The following ZNF804B variants were observed in gnomAD, a reference collection of about 807,000 sequenced individuals.
The protein encoded by ZNF804B is zinc finger 804B.
Under a neutral mutation model 101.4 loss-of-function variants are expected in ZNF804B, and 80 were observed. The ratio of observed to expected loss-of-function variants is 0.79; its 90% CI spans 0.66 to 0.95. The LOEUF is 0.95. Among genes scored for constraint, ZNF804B ranks in the 40% least tolerant of loss-of-function variants. The pLI, the probability that ZNF804B is intolerant of heterozygous loss-of-function variation, is 0.00. For missense variants in ZNF804B, 1,673 were observed against 1,561.9 expected, an observed-to-expected ratio of 1.07 and a Z score of -1.20; for synonymous variants, 622 against 558.8, an observed-to-expected ratio of 1.11 and a Z score of -1.59.
intron 1 of ZNF804B, among the ~76,000 whole-genome samples, chr7:89,061,588 G>T (rs1789380696): frequency 6.6e-6 from 1 of 152,094 alleles, no homozygotes; most frequent in South Asian, 2.1e-4. Context: ...TAAGAGCAGG[G>T]ATTTTGAAGT....
chr7:88,955,245 G>A (rs1005869595), intron 1 of ZNF804B, among the ~76,000 whole-genome samples: 3 of 151,548 alleles, frequency 2.0e-5, no homozygotes, highest in African/African-American at 7.3e-5. Flanking sequence ...GAAAAAATGA[G>A]TTTTTAAAGG....
intron 1 of ZNF804B, among the ~76,000 whole-genome samples, chr7:88,902,776 A>G (rs1792411468): frequency 6.6e-6 from 1 of 152,254 alleles, no homozygotes; most frequent in African/African-American, 2.4e-5. Flanking sequence ...TGCCTACATT[A>G]TTTTAAAATA....
At chr7:89,302,618 A>G (rs922210738) in intron 2 of ZNF804B, among the ~76,000 whole-genome samples, 1 of 151,952 alleles carries the variant, frequency 6.6e-6, no homozygotes, top group African/African-American at 2.4e-5. Flanking sequence ...TTCAATTCAT[A>G]GCTTCCTTGT....
intron 1 of ZNF804B, among the ~76,000 whole-genome samples, chr7:88,792,616 A>G (rs561199869): frequency 2.3e-3 from 357 of 152,188 alleles, no homozygotes; most frequent in Non-Finnish European, 3.7e-3. Flanking sequence ...TTTATCACTA[A>G]TCATTTACTA....
intron 2 of ZNF804B, among the ~76,000 whole-genome samples, chr7:89,296,191 T>C (rs1374459891): frequency 6.6e-6 from 1 of 151,970 alleles, no homozygotes; most frequent in African/African-American, 2.4e-5. Flanking sequence ...ATAAATAAAA[T>C]AGGCTCTTCT....
chr7:89,337,473 T>C lies in ZNF804B; in HGVS notation c.*441T>C, dbSNP rs1413289713. Among the ~76,000 whole-genome samples the C allele has an allele frequency of 6.6e-6, 1 of 152,154 alleles. No individual in the cohort carries two copies. Among genetic ancestry groups the C allele is most frequent in the Non-Finnish European group, 1.5e-5 (1 of 68,004 alleles). On this transcript the variant is annotated 3_prime_UTR_variant, in exon 4 of 4. Transcript: ENST00000333190. Reference sequence around the variant, plus strand: ...ATAAAAGGTCAGTGAAATGAAGCAATTATTTAAAGTAATTTATGTCGTTAA... The same window carrying C: ...ATAAAAGGTCAGTGAAATGAAGCAACTATTTAAAGTAATTTATGTCGTTAA...
intron 1 of ZNF804B, among the ~76,000 whole-genome samples, chr7:88,877,095 T>A (rs1791965932): frequency 1.7e-5 from 2 of 121,202 alleles, no homozygotes; most frequent in South Asian, 6.2e-4. Context: ...AGTCTCCCTC[T>A]GTCACCCAGG....
chr7:89,119,000 T>G (rs1019208970), intron 1 of ZNF804B, among the ~76,000 whole-genome samples: 1 of 152,184 alleles, frequency 6.6e-6, no homozygotes, highest in Non-Finnish European at 1.5e-5. Flanking sequence ...AAGTCAGATT[T>G]TTTTCATCAT....
In ZNF804B at chr7:89,285,299, G is replaced by A. The variant is rs180833326; in HGVS notation, c.250-42045G>A. 1.4e-4 allele frequency among the ~76,000 whole-genome samples: 21 copies of A among 151,684 alleles called. No individual in the cohort carries two copies. The East Asian group carries it at 2.5e-3, about 18-fold the overall frequency. On this transcript the variant is annotated intron_variant, in intron 2 of 3. Transcript: ENST00000333190. ...GCACTTTGGGAGCCCGAGGCGGGTG[G>A]ATCATGAGGTCAGGAGATCGAGACC...
intron 1 of ZNF804B, among the ~76,000 whole-genome samples, chr7:89,057,101 A>G (rs865991400): frequency 5.3e-5 from 8 of 152,238 alleles, no homozygotes; most frequent in South Asian, 4.1e-4. Flanking sequence ...AAAACATCTT[A>G]AGCGATAGAT....
chr7:89,196,559 G>A (rs1269807277), intron 1 of ZNF804B, among the ~76,000 whole-genome samples: 2 of 151,902 alleles, frequency 1.3e-5, no homozygotes, highest in Non-Finnish European at 2.9e-5. Flanking sequence ...TCTGACATAG[G>A]CAGAGGCAAA....
At chr7:88,827,755 G>A (rs1028105321) in intron 1 of ZNF804B, among the ~76,000 whole-genome samples, 3 of 151,964 alleles carry the variant, frequency 2.0e-5, no homozygotes, top group Admixed American at 6.6e-5. Context: ...ATTTCCATTA[G>A]TAGTGCTGCA....
intron 1 of ZNF804B, chr7:88,795,569 T>G (rs1790467593): frequency 6.6e-6 from 1 of 152,152 alleles, no homozygotes; most frequent in African/African-American, 2.4e-5. Flanking sequence ...AAGGGCTACA[T>G]GAAAGTATTC....
At chr7:88,779,542 T>A (rs1790193072) in intron 1 of ZNF804B, among the ~76,000 whole-genome samples, 1 of 152,178 alleles carries the variant, frequency 6.6e-6, no homozygotes, top group African/African-American at 2.4e-5. Flanking sequence ...AGACATACGG[T>A]GCTAAAGTCA....
At chr7:89,303,986 C>T (rs566217590) in intron 2 of ZNF804B, among the ~76,000 whole-genome samples, 1 of 152,048 alleles carries the variant, frequency 6.6e-6, no homozygotes, top group East Asian at 1.9e-4. Context: ...TTGCCCTCAG[C>T]TTAAGTGAAC....
intron 1 of ZNF804B, among the ~76,000 whole-genome samples, chr7:89,084,062 A>G (rs1012764589): frequency 6.6e-6 from 1 of 151,950 alleles, no homozygotes; most frequent in African/African-American, 2.4e-5. Flanking sequence ...GCAAGTCTTG[A>G]TGAGCTGTCA....
chr7:88,793,172 C>T (rs1790406121), intron 1 of ZNF804B, among the ~76,000 whole-genome samples: 1 of 151,984 alleles, frequency 6.6e-6, no homozygotes, highest in Non-Finnish European at 1.5e-5. Flanking sequence ...ATATTGATGT[C>T]AATTAATTGT....
At chr7:89,085,229 A>G (rs562939913) in intron 1 of ZNF804B, among the ~76,000 whole-genome samples, 1 of 152,068 alleles carries the variant, frequency 6.6e-6, no homozygotes, top group South Asian at 2.1e-4. Context: ...GAGATTTTCT[A>G]CTTTCTTCCC....
intron 1 of ZNF804B, chr7:88,794,305 A>T (rs1445712486): frequency 6.2e-7 from 1 of 1,613,764 alleles, no homozygotes; most frequent in East Asian, 2.2e-5. Flanking sequence ...GTACTTTATG[A>T]TTTGTTCTGG....
Sources: allele counts gnomAD v4.1 joint callset (sites outside exome capture counted in the v4.1 genomes callset), GRCh38; gene constraint gnomAD v4.1.1; transcripts MANE v1.5; gene names NCBI Gene and HGNC (gene_info 2026-07-23, HGNC 2026-07-21).